The following EMCN variants were observed in gnomAD, a reference collection of about 807,000 sequenced individuals.
The protein encoded by EMCN is MUC-14.
EMCN carries 37 observed loss-of-function variants against 38.4 expected under a neutral mutation model. The observed-to-expected ratio is 0.96, with a 90% CI of 0.74 to 1.27. The LOEUF (loss-of-function observed/expected upper bound fraction) is 1.27, where lower values mean the gene tolerates loss of function less well. EMCN is among the 50% of genes most tolerant of loss of function. The pLI is 0.00. For synonymous variants in EMCN, 95 were observed against 100.8 expected, an observed-to-expected ratio of 0.94 and a Z score of 0.35; for missense variants, 318 against 302.8, an observed-to-expected ratio of 1.05 and a Z score of -0.37.
In EMCN at chr4:100,491,618, C is replaced by T. The variant is rs906377577; in HGVS notation, c.65-11579G>A. ...TAACCTTAGGGCCCCTTCAGCAACC[C>T]TGTCCAACTCTTAAAATAAAATAGT... is the stretch of plus-strand genomic sequence containing the variant. On this transcript the variant is annotated intron_variant, in intron 1 of 11. Coordinates refer to ENST00000296420, the MANE Select transcript of EMCN (RefSeq NM_016242.4). 5.9e-5 allele frequency among the ~76,000 whole-genome samples: 9 copies of T among 152,190 alleles called. No homozygotes were observed. The South Asian group carries it at 1.9e-3, about 31-fold the overall frequency.
intron 1 of EMCN, among the ~76,000 whole-genome samples, chr4:100,491,822 A>G (rs1729088839): frequency 6.6e-6 from 1 of 152,192 alleles, no homozygotes; most frequent in Non-Finnish European, 1.5e-5. Context: ...TATCTAGAGA[A>G]CTCAAAAGCA....
intron 4 of EMCN, among the ~76,000 whole-genome samples, chr4:100,448,792 A>G (rs1207178795): frequency 2.3e-5 from 1 of 43,720 alleles, no homozygotes; most frequent in African/African-American, 1.4e-4. Context: ...TTCTGCCTTG[A>G]AGTCTTCCTT....
chr4:100,475,659 CTTT>C lies in EMCN; in HGVS notation c.188-553_188-551del, dbSNP rs869169290. On this transcript the variant is annotated intron_variant, in intron 2 of 11. Transcript: ENST00000296420. ...TTGAGGGCAGTATCCAATTCTAGTC[CTTT>C]TTTTTTTTTTTTTTTTTTTTTTTTT... Among the ~76,000 whole-genome samples the C allele has an allele frequency of 8.5e-4, 51 of 60,244 alleles. 3 individuals are homozygous for C. Among genetic ancestry groups the C allele is most frequent in the African/African-American group, 3.0e-3 (35 of 11,812 alleles). 39.5% of individuals were successfully genotyped at this position (60,244 alleles called of 152,430 possible).
intron 1 of EMCN, chr4:100,486,810 T>G (rs1466621340): frequency 1.0e-6 from 1 of 971,022 alleles, no homozygotes; most frequent in East Asian, 1.1e-4. Flanking sequence ...ACCTGAGATG[T>G]CCTGGCTGAC....
At chr4:100,420,042 A>T (rs540645125) in intron 8 of EMCN, among the ~76,000 whole-genome samples, 1 of 152,232 alleles carries the variant, frequency 6.6e-6, no homozygotes, top group African/African-American at 2.4e-5. Context: ...AGTTTATGAG[A>T]CTTAGATTTT....
rs567144292 is a variant in EMCN, at chr4:100,408,124, G to A, written c.*39+2158C>T. ...CTATTTCATATTTCATTCCTTGTAT[G>A]GTTTTGTTGAATTCCTCAGATTCCT... is the stretch of plus-strand genomic sequence containing the variant. On this transcript the variant is annotated intron_variant, in intron 11 of 11. Coordinates refer to ENST00000296420, the MANE Select transcript of EMCN (RefSeq NM_016242.4). Among the ~76,000 whole-genome samples, 6 of 152,168 alleles carry A rather than the reference G, an allele frequency of 3.9e-5. No homozygotes were observed. In the East Asian group the frequency reaches 9.7e-4, roughly 24 times the overall value.
chr4:100,395,581 C>T lies in EMCN; in HGVS notation c.*2832G>A, dbSNP rs1726100083. 1 of 152,120 alleles carries T rather than the reference C, an allele frequency of 6.6e-6. No homozygotes were observed. 9.4% of individuals were successfully genotyped at this position (152,120 alleles called of 1,614,324 possible). A position where few individuals can be genotyped will look rare whatever the true frequency, so the allele number is the denominator to read the frequency against. On this transcript the variant is annotated 3_prime_UTR_variant, in exon 12 of 12. Transcript: ENST00000296420. ...AAATACAATTTTTAAAGGTCATATTCACTTTTCCTTTCAACATCATAAAAT... is the reference window on the plus strand; with the variant it reads ...AAATACAATTTTTAAAGGTCATATTTACTTTTCCTTTCAACATCATAAAAT...
At chr4:100,454,978 GC>G (rs1727969367) in intron 4 of EMCN, among the ~76,000 whole-genome samples, 1 of 152,012 alleles carries the variant, frequency 6.6e-6, no homozygotes, top group Non-Finnish European at 1.5e-5. Context: ...AAGAGGTTAT[GC>G]TTTTTATCCA....
At position 100,438,112 on chromosome 4, in the gene EMCN, C is replaced by T. The variant is rs111364603; in HGVS notation, c.415+9421G>A. On this transcript the variant is annotated intron_variant, in intron 5 of 11. Coordinates refer to ENST00000296420, the MANE Select transcript of EMCN (RefSeq NM_016242.4). ...TCAGTATACAAATGTTTCACTTTCT[C>T]GGTTAAATTTATTCCTAAGGACAGA... Among the ~76,000 whole-genome samples, 710 of 151,910 alleles carry T rather than the reference C, an allele frequency of 4.7e-3. 8 individuals carry two copies. The highest frequency in any genetic ancestry group is 0.016 in the African/African-American group (677 of 41,484).
intron 1 of EMCN, among the ~76,000 whole-genome samples, chr4:100,484,279 A>G (rs1000488778): frequency 2.0e-5 from 3 of 152,008 alleles, no homozygotes; most frequent in South Asian, 4.1e-4. Context: ...TTTGTTTTTT[A>G]TCTTTGAGAA....
intron 5 of EMCN, among the ~76,000 whole-genome samples, chr4:100,439,268 T>C (rs990093637): frequency 6.6e-6 from 1 of 152,064 alleles, no homozygotes; most frequent in African/African-American, 2.4e-5. Context: ...GGGAAGTTTT[T>C]TGTTACTTCT....
In EMCN at chr4:100,465,506, T is replaced by C. The variant is rs1434913783; in HGVS notation, c.293A>G (p.Asn98Ser). Residue 98 changes from asparagine to serine, a missense_variant, in exon 4 of 12, where the codon AAT becomes AGT. Physicochemically the swap from Asn to Ser is conservative, Grantham distance 46. Transcript: ENST00000296420. The stretch of plus-strand genomic sequence containing the variant: ...TGTTACGTTTGAAATGATGGAGTCA[T>C]TCTTCCTGACATCAGTGGTTGTGGC... ...LKATTTDVRK[N>S]DSIISNVTVT... 24 of 1,608,528 alleles carry C rather than the reference T, an allele frequency of 1.5e-5. No individual in the cohort carries two copies. Among genetic ancestry groups the C allele is most frequent in the Non-Finnish European group, 1.7e-5 (20 of 1,176,392 alleles).
chr4:100,479,362 C>T (rs1408087875), intron 2 of EMCN, among the ~76,000 whole-genome samples: 1 of 151,828 alleles, frequency 6.6e-6, no homozygotes, highest in Admixed American at 6.6e-5. Context: ...TTGATAATCT[C>T]TTGTTTTTTT....
chr4:100,451,990 A>C (rs868266539), intron 4 of EMCN, among the ~76,000 whole-genome samples: 18 of 152,044 alleles, frequency 1.2e-4, no homozygotes, highest in African/African-American at 4.3e-4. Context: ...CACACAGCAC[A>C]AATAACTAGT....
chr4:100,492,035 G>A (rs1246870417), intron 1 of EMCN, among the ~76,000 whole-genome samples: 1 of 152,030 alleles, frequency 6.6e-6, no homozygotes, highest in Non-Finnish European at 1.5e-5. Context: ...AACTATTAAA[G>A]TCCCAACAGT....
In EMCN at chr4:100,465,557, A is replaced by G. The variant is rs904196822; in HGVS notation, c.260-18T>C. 4 of 1,348,428 alleles carry G rather than the reference A, an allele frequency of 3.0e-6. No homozygotes were observed. Among genetic ancestry groups the G allele is most frequent in the Non-Finnish European group, 4.2e-6 (4 of 961,104 alleles). The allele number at this position is 1,348,428 out of a possible 1,614,324, so 83.5% of individuals were successfully genotyped here. A position where few individuals can be genotyped will look rare whatever the true frequency, so the allele number is the denominator to read the frequency against. On this transcript the variant is annotated intron_variant, in intron 3 of 11. Coordinates refer to ENST00000296420, the MANE Select transcript of EMCN (RefSeq NM_016242.4). ...TTTCAATCCTATAAAAAGAATGAAC[A>G]GTCATCAGGAGTATAACAAATCACC...
chr4:100,501,518 C>T (rs1729349663), intron 1 of EMCN, among the ~76,000 whole-genome samples: 1 of 152,028 alleles, frequency 6.6e-6, no homozygotes, highest in African/African-American at 2.4e-5. Context: ...GTTATCCTTT[C>T]CTGTTTTTCT....
At position 100,502,472 on chromosome 4, in the gene EMCN, A is replaced by G. The variant is rs575873259; in HGVS notation, c.64+15379T>C. Among the ~76,000 whole-genome samples, 60 of 152,328 alleles carry G rather than the reference A, an allele frequency of 3.9e-4. No individual in the cohort carries two copies. In the Middle Eastern group the frequency reaches 0.01, roughly 26 times the overall value. ...AGGAAATTCCACCAAGAAATCTTTT[A>G]TGCTCATTAACTGCCTAAACAATTT... On this transcript the variant is annotated intron_variant, in intron 1 of 11. Transcript: ENST00000296420.
rs561462672 is a variant in EMCN, at chr4:100,434,097, G to GA, written c.416-10694dup. Among the ~76,000 whole-genome samples the GA allele has an allele frequency of 2.2e-3, 327 of 151,946 alleles. 1 individual carries two copies. Among genetic ancestry groups the GA allele is most frequent in the Admixed American group, 5.6e-3 (85 of 15,258 alleles). On this transcript the variant is annotated intron_variant, in intron 5 of 11. Transcript: ENST00000296420. ...CAATGAATCCAGGAGTTGGCTTTTT[G>GA]AAAAAATTAATAAAAGAGACTACTA... is the stretch of plus-strand genomic sequence containing the variant.
Sources: allele counts gnomAD v4.1 joint callset (sites outside exome capture counted in the v4.1 genomes callset), GRCh38; gene constraint gnomAD v4.1.1; transcripts MANE v1.5; gene names NCBI Gene and HGNC (gene_info 2026-07-23, HGNC 2026-07-21).